The following C2CD3 variants were observed in gnomAD, a reference collection of about 807,000 sequenced individuals.
The protein encoded by C2CD3 is C2 domain containing 3 centriole elongation regulator.
In C2CD3, 148 loss-of-function variants were observed where a neutral mutation model predicts 234.0. The ratio of observed to expected loss-of-function variants is 0.63; its 90% CI spans 0.55 to 0.72. C2CD3 has a LOEUF of 0.72. C2CD3 is among the 30% of genes least tolerant of loss of function. C2CD3 has a pLI of 0.00. For missense variants in C2CD3, 2,577 were observed against 2,811.5 expected, an observed-to-expected ratio of 0.92 and a Z score of 1.89; for synonymous variants, 1,000 against 1,035.4, an observed-to-expected ratio of 0.97 and a Z score of 0.66.
chr11:74,089,750 T>C (rs940818669), intron 20 of C2CD3, among the ~76,000 whole-genome samples: 2 of 152,176 alleles, frequency 1.3e-5, no homozygotes, highest in Non-Finnish European at 2.9e-5. Context: ...CTAGAGGAAC[T>C]CACAGCCTAG....
chr11:74,125,144 G>A (rs552109343), intron 7 of C2CD3, among the ~76,000 whole-genome samples: 7 of 152,194 alleles, frequency 4.6e-5, no homozygotes, highest in South Asian at 2.1e-4. Context: ...GCTTCTTCTG[G>A]TATTTACCTT....
intron 23 of C2CD3, 49 bp from the exon 24 acceptor site, chr11:74,074,649 C>T: frequency 6.8e-7 from 1 of 1,466,490 alleles, no homozygotes; most frequent in Non-Finnish European, 9.3e-7. Flanking sequence ...GAACCAAGAC[C>T]AAGCTTGGAG....
At chr11:74,086,952 A>C (rs575818884) in intron 20 of C2CD3, among the ~76,000 whole-genome samples, 1 of 152,272 alleles carries the variant, frequency 6.6e-6, no homozygotes, top group African/African-American at 2.4e-5. Flanking sequence ...TGCTGGCTCC[A>C]CCATTTACTT....
chr11:74,169,272 G>A (rs928201256), intron 1 of C2CD3, among the ~76,000 whole-genome samples: 38 of 152,120 alleles, frequency 2.5e-4, no homozygotes, highest in African/African-American at 8.9e-4. Context: ...TATATTTATT[G>A]GCTTTAGTAT....
chr11:74,057,434 G>A lies in C2CD3; in HGVS notation c.5062C>T (p.Pro1688Ser). The change falls in exon 25 of 33, where the codon CCC becomes TCC. Residue 1688 changes from proline to serine, a missense_variant. Transcript: ENST00000334126. ...GACTGCTGTTGAAAATTCCAGATGG[G>A]GGAATCTGTGTTTTCAACCACTTGG... ...YTQVVENTDS[P>S]IWNFQQQSRL... The A allele has an allele frequency of 1.2e-6, 2 of 1,614,102 alleles. No individual in the cohort carries two copies. Among genetic ancestry groups the A allele is most frequent in the Non-Finnish European group, 1.7e-6 (2 of 1,179,960 alleles).
In C2CD3 at chr11:74,033,366, T is replaced by C; in HGVS notation, c.6794A>G (p.Lys2265Arg). The C allele has an allele frequency of 6.5e-7, 1 of 1,535,948 alleles. No homozygotes were observed. Among genetic ancestry groups the C allele is most frequent in the Non-Finnish European group, 8.7e-7 (1 of 1,146,802 alleles). The change falls in exon 31 of 33, where the codon AAG becomes AGG. Residue 2265 changes from lysine to arginine, a missense_variant. Coordinates refer to ENST00000334126, the MANE Select transcript of C2CD3 (RefSeq NM_001286577.2). ...CAAAGGATACAGCAGGAGGCTCTGCTTTGTGGACGTCTCTGATCCAGTTGT... is the reference window on the plus strand; with the variant it reads ...CAAAGGATACAGCAGGAGGCTCTGCCTTGTGGACGTCTCTGATCCAGTTGT... ...QVTTGSETST[K>R]QSLLLPGPIV...
chr11:74,131,039 C>A (rs1245075385), intron 7 of C2CD3, among the ~76,000 whole-genome samples: 2 of 151,930 alleles, frequency 1.3e-5, no homozygotes, highest in African/African-American at 2.4e-5. Flanking sequence ...TCATGGCTCA[C>A]TGTTGCTCAA....
At chr11:74,079,509 G>T (rs993653255) in intron 22 of C2CD3, among the ~76,000 whole-genome samples, 20 of 151,228 alleles carry the variant, frequency 1.3e-4, no homozygotes, top group African/African-American at 4.9e-4. Flanking sequence ...TTACAGGAGT[G>T]AGCCACTGCA....
At position 74,013,510 on chromosome 11, in the gene C2CD3, TG is replaced by T; in HGVS notation, c.6936del (p.Thr2313ProfsTer45). The T allele has an allele frequency of 7.3e-7, 1 of 1,369,292 alleles. No homozygotes were observed. Among genetic ancestry groups the T allele is most frequent in the Non-Finnish European group, 9.4e-7 (1 of 1,065,476 alleles). The allele number at this position is 1,369,292 out of a possible 1,614,324, so 84.8% of individuals were successfully genotyped here. A position where few individuals can be genotyped will look rare whatever the true frequency, so the allele number is the denominator to read the frequency against. On this transcript the variant is annotated frameshift_variant, in exon 33 of 33. Transcript: ENST00000334126. LOFTEE classifies it high-confidence loss of function. Reference protein sequence around the residue: ...AATTDQDKSEATRGALSQRPC... With the variant: ...AATTDQDKSEXTRGALSQRPC... Reference sequence around the variant, plus strand: ...GGCCTTTGGGAGAGAGCTCCCCTGGTGGCTTCGCTCTTGTCCTGGAGAGGAA... The same window carrying T: ...GGCCTTTGGGAGAGAGCTCCCCTGGTGCTTCGCTCTTGTCCTGGAGAGGAA...
chr11:74,096,589 T>C (rs1337905974), intron 16 of C2CD3, among the ~76,000 whole-genome samples: 1 of 152,170 alleles, frequency 6.6e-6, no homozygotes, highest in Non-Finnish European at 1.5e-5. Flanking sequence ...ATGAGAGGCA[T>C]GAGTAGAGGA....
intron 22 of C2CD3, among the ~76,000 whole-genome samples, chr11:74,082,050 T>A (rs535897373): frequency 5.9e-5 from 9 of 152,224 alleles, no homozygotes; most frequent in Admixed American, 4.6e-4. Context: ...AGAGAGGGCA[T>A]CCCTGTCTTG....
chr11:74,014,567 C>T (rs1374587229), intron 32 of C2CD3, among the ~76,000 whole-genome samples: 2 of 152,178 alleles, frequency 1.3e-5, no homozygotes, highest in African/African-American at 4.8e-5. Flanking sequence ...GCGAGAGTTG[C>T]TTCTGGCATC....
At chr11:74,096,404 A>G (rs1395850685) in intron 16 of C2CD3, among the ~76,000 whole-genome samples, 1 of 152,220 alleles carries the variant, frequency 6.6e-6, no homozygotes, top group East Asian at 1.9e-4. Context: ...ATCTGAAAGC[A>G]TATTTTAGCA....
intron 28 of C2CD3, among the ~76,000 whole-genome samples, chr11:74,044,537 A>C (rs952559262): frequency 2.0e-5 from 3 of 151,736 alleles, no homozygotes; most frequent in Middle Eastern, 3.4e-3. Flanking sequence ...TATCACTTGC[A>C]GTGTAAAAAT....
intron 3 of C2CD3, among the ~76,000 whole-genome samples, chr11:74,149,508 ATTG>A (rs371582992): frequency 5.4e-4 from 81 of 151,358 alleles, no homozygotes; most frequent in African/African-American, 1.8e-3. Flanking sequence ...TTGTGTTTTT[ATTG>A]TTCTTATTGT....
At chr11:74,088,255 C>T (rs826056) in intron 20 of C2CD3, among the ~76,000 whole-genome samples, 92,405 of 152,112 alleles carry the variant, frequency 0.61, 30,176 homozygotes, top group African/African-American at 0.87. Flanking sequence ...CTGATCCCTA[C>T]AAAATCAGGG....
At chr11:74,089,941 T>C (rs1245096789) in intron 20 of C2CD3, among the ~76,000 whole-genome samples, 2 of 152,112 alleles carry the variant, frequency 1.3e-5, no homozygotes, top group Non-Finnish European at 1.5e-5. Flanking sequence ...GGAAGAAGAA[T>C]ATTCAAGGCA....
chr11:74,098,242 A>G lies in C2CD3; in HGVS notation c.2746T>C (p.Ser916Pro). 1 of 1,614,108 alleles carries G rather than the reference A, an allele frequency of 6.2e-7. No individual in the cohort carries two copies. The highest frequency in any genetic ancestry group is 8.5e-7 in the Non-Finnish European group (1 of 1,179,966). ...FYMSFKDAKI[S>P]RLLLDAQYPV... ...TACTGGGCATCCAGCAGCAGGCGAG[A>G]AATCTTAGCATCTCTAGAGGGGGAG... is the stretch of plus-strand genomic sequence containing the variant. The change falls in exon 16 of 33, where the codon TCT becomes CCT. Residue 916 changes from serine (S) to proline (P), a missense_variant. Coordinates refer to ENST00000334126, the MANE Select transcript of C2CD3 (RefSeq NM_001286577.2).
At chr11:74,092,209 T>C (rs1955922716) in intron 19 of C2CD3, among the ~76,000 whole-genome samples, 1 of 151,982 alleles carries the variant, frequency 6.6e-6, no homozygotes, top group South Asian at 2.1e-4. Context: ...TGGGCCACCA[T>C]GCCTGGCTAA....
Sources: gnomAD v4.1 joint callset for allele counts (sites outside exome capture counted in the v4.1 genomes callset) on GRCh38, gnomAD v4.1.1 for gene constraint, MANE v1.5 for transcripts, NCBI Gene and HGNC (gene_info 2026-07-23, HGNC 2026-07-21) for gene names.